ADGRL2: variants seen among roughly 807,000 people sequenced by gnomAD.
ADGRL2 encodes the protein adhesion G protein-coupled receptor L2.
In ADGRL2, 44 loss-of-function variants were observed where a neutral mutation model predicts 157.4. The observed-to-expected ratio is 0.28, with a 90% confidence interval of 0.22 to 0.36. ADGRL2 has a LOEUF of 0.36. Among genes scored for constraint, ADGRL2 ranks in the 10% least tolerant of loss-of-function variants. ADGRL2 has a pLI of 1.00. For missense variants in ADGRL2, 1,510 were observed against 1,768.9 expected (o/e 0.85, Z 2.63); for synonymous variants, 585 against 624.7 (o/e 0.94, Z 0.95).
At chr1:81,735,235 C>T (rs1251431252) in intron 1 of ADGRL2, 2 of 139,534 alleles carry the variant, frequency 1.4e-5, no homozygotes, top group Non-Finnish European at 3.1e-5. Context: ...GATTTTCCAT[C>T]GAAGCCTCCT....
chr1:81,479,766 A>T (rs2078347880), intron 2 of ADGRL2, among the ~76,000 whole-genome samples: 3 of 152,136 alleles, frequency 2.0e-5, no homozygotes, highest in Admixed American at 6.6e-5. Flanking sequence ...GTGATTTTAC[A>T]TCTGAGCGAA....
intron 2 of ADGRL2, among the ~76,000 whole-genome samples, chr1:81,775,999 A>C (rs1396581713): frequency 5.3e-5 from 8 of 152,278 alleles, no homozygotes; most frequent in African/African-American, 1.9e-4. Context: ...TACCTATTTT[A>C]AACATTCTGG....
intron 3 of ADGRL2, among the ~76,000 whole-genome samples, chr1:81,920,853 G>C (rs1324918159): frequency 6.7e-6 from 1 of 148,972 alleles, no homozygotes; most frequent in Non-Finnish European, 1.5e-5. Flanking sequence ...AAAAACTAAA[G>C]GTTTTAAAGG....
At chr1:81,308,292 C>T (rs1023345275) in intron 1 of ADGRL2, among the ~76,000 whole-genome samples, 1 of 152,064 alleles carries the variant, frequency 6.6e-6, no homozygotes, top group African/African-American at 2.4e-5. Context: ...CAGACACTGT[C>T]GCTGGAGAAT....
At chr1:81,348,728 G>T (rs1305384816) in intron 1 of ADGRL2, among the ~76,000 whole-genome samples, 2 of 152,016 alleles carry the variant, frequency 1.3e-5, no homozygotes, top group Non-Finnish European at 2.9e-5. Context: ...AAATAAAAAC[G>T]TTTTAAAATC....
At chr1:81,771,804 G>C (rs1490254391) in intron 2 of ADGRL2, among the ~76,000 whole-genome samples, 1 of 152,186 alleles carries the variant, frequency 6.6e-6, no homozygotes, top group African/African-American at 2.4e-5. Flanking sequence ...GGAAAAAAAA[G>C]GGAGGGTAAG....
At chr1:81,328,874 A>G (rs1011980493) in intron 1 of ADGRL2, among the ~76,000 whole-genome samples, 1 of 151,742 alleles carries the variant, frequency 6.6e-6, no homozygotes, top group Non-Finnish European at 1.5e-5. Flanking sequence ...CTTAATTATC[A>G]TTTTATAGTC....
chr1:81,703,175 C>T (rs1052532663), intron 1 of ADGRL2, among the ~76,000 whole-genome samples: 1 of 152,074 alleles, frequency 6.6e-6, no homozygotes, highest in Non-Finnish European at 1.5e-5. Flanking sequence ...AGACATATTT[C>T]AAGGGCATGA....
At position 81,593,464 on chromosome 1, in the gene ADGRL2, T is replaced by A. The variant is rs529956760; in HGVS notation, c.-143+12484T>A. On this transcript the variant is annotated intron_variant, in intron 3 of 24. Coordinates refer to the ADGRL2 transcript ENST00000370721. ...GAGATCACTGTGGGAAAAAATGAAC[T>A]AATATGTGAAGTGTTTACAATAGTA... is the stretch of plus-strand genomic sequence containing the variant. Among the ~76,000 whole-genome samples the A allele has an allele frequency of 5.9e-5, 9 of 152,304 alleles. No homozygotes were observed. In the East Asian group the frequency reaches 1.5e-3, roughly 26 times the overall value.
rs1038142662 is a variant in ADGRL2, at chr1:81,661,388, A to G, written c.-143+80408A>G. ...TTACACGTTTTTGGTTGCTCAGGAC[A>G]TTGTATTAGTGTAACAATTTTAGAT... On this transcript the variant is annotated intron_variant, in intron 3 of 24. Transcript: ENST00000370721. 2.6e-5 allele frequency among the ~76,000 whole-genome samples: 4 copies of G among 152,326 alleles called. No homozygotes were observed. The South Asian group carries it at 8.3e-4, about 32-fold the overall frequency.
intron 2 of ADGRL2, among the ~76,000 whole-genome samples, chr1:81,547,189 C>T (rs1156523750): frequency 2.0e-5 from 3 of 152,224 alleles, no homozygotes; most frequent in African/African-American, 7.2e-5. Context: ...GCTACCATAC[C>T]ATGCAAGAGC....
intron 3 of ADGRL2, among the ~76,000 whole-genome samples, chr1:81,606,594 C>T (rs954375366): frequency 2.6e-5 from 4 of 152,092 alleles, no homozygotes; most frequent in Non-Finnish European, 5.9e-5. Flanking sequence ...ATACCAGATA[C>T]CGAAGAATTT....
intron 4 of ADGRL2, among the ~76,000 whole-genome samples, chr1:81,941,359 G>A (rs1647929546): frequency 6.6e-6 from 1 of 151,362 alleles, no homozygotes; most frequent in African/African-American, 2.4e-5. Context: ...GGGGGATATT[G>A]ATATATTCCT....
intron 3 of ADGRL2, among the ~76,000 whole-genome samples, chr1:81,611,811 A>G (rs960366319): frequency 6.6e-6 from 1 of 151,934 alleles, no homozygotes; most frequent in Non-Finnish European, 1.5e-5. Flanking sequence ...TGTAATCCCC[A>G]CGTGTTGAGG....
intron 1 of ADGRL2, among the ~76,000 whole-genome samples, chr1:81,827,483 G>A (rs2091589782): frequency 2.0e-5 from 3 of 152,146 alleles, no homozygotes; most frequent in Admixed American, 1.3e-4. Flanking sequence ...AGTTACTGTG[G>A]TAATGTCCTT....
rs777313427 is a variant in ADGRL2, at chr1:81,971,867, T to A, written c.2970T>A (p.Val990=). The change falls in exon 17 of 24, where the codon GTT becomes GTA. Residue 990 remains valine (V), a synonymous_variant. Transcript: ENST00000686636. The stretch of plus-strand genomic sequence containing the variant: ...TTCATAATAGTTGCTGGCTTCATGT[T>A]GATAACTACTTTATATGGAGCTTCA... ...YGTEKACWLH[V]DNYFIWSFIG... 6.2e-7 allele frequency: 1 copy of A among 1,608,724 alleles called. No individual in the cohort carries two copies. Among genetic ancestry groups the A allele is most frequent in the East Asian group, 2.2e-5 (1 of 44,662 alleles).
At chr1:81,430,624 C>A (rs2077302933) in intron 1 of ADGRL2, among the ~76,000 whole-genome samples, 1 of 152,204 alleles carries the variant, frequency 6.6e-6, no homozygotes, top group African/African-American at 2.4e-5. Flanking sequence ...CAGCCCCCCA[C>A]TGATGTTAAC....
intron 1 of ADGRL2, among the ~76,000 whole-genome samples, chr1:81,828,458 T>TA (rs2091683978): frequency 6.6e-6 from 1 of 152,194 alleles, no homozygotes; most frequent in South Asian, 2.1e-4. Context: ...GTAGCAATAA[T>TA]AAGTGATATT....
chr1:81,505,976 C>A (rs539760377), intron 2 of ADGRL2: 2 of 208,260 alleles, frequency 9.6e-6, no homozygotes, highest in Admixed American at 1.1e-4. Flanking sequence ...CAGATCCTTT[C>A]CCTCTACCTG....
Sources: gnomAD v4.1 joint callset for allele counts (sites outside exome capture counted in the v4.1 genomes callset) on GRCh38, gnomAD v4.1.1 for gene constraint, MANE v1.5 for transcripts, NCBI Gene and HGNC (gene_info 2026-07-23, HGNC 2026-07-21) for gene names.